The following ADAMTS6 variants were observed in gnomAD, a reference collection of about 807,000 sequenced individuals.
The protein encoded by ADAMTS6 is A disintegrin and metalloproteinase with thrombospondin motifs 6.
ADAMTS6 carries 23 observed loss-of-function variants against 144.3 expected under a neutral mutation model. That is an observed-to-expected ratio of 0.16 (90% confidence interval 0.11 to 0.23). ADAMTS6 has a LOEUF of 0.23. ADAMTS6 is among the 10% of genes least tolerant of loss of function. ADAMTS6 has a pLI of 1.00. For synonymous variants in ADAMTS6, 444 were observed against 457.5 expected (o/e 0.97, Z 0.38); for missense variants, 999 against 1,379.6 (o/e 0.72, Z 4.37).
intron 1 of ADAMTS6, 92 bp downstream of exon 1, chr5:65,481,251 A>G (rs1158166645): frequency 6.6e-6 from 1 of 151,230 alleles, no homozygotes; most frequent in Non-Finnish European, 1.5e-5. Context: ...ACAGAAAAAA[A>G]GTTTTCTAAG....
At chr5:65,197,917 T>G (rs1450702092) in intron 20 of ADAMTS6, among the ~76,000 whole-genome samples, 1 of 152,186 alleles carries the variant, frequency 6.6e-6, no homozygotes, top group East Asian at 1.9e-4. Context: ...ATATGTCAAT[T>G]ATTGGCAAAG....
chr5:65,402,738 T>C (rs1754039315), intron 7 of ADAMTS6, among the ~76,000 whole-genome samples: 2 of 152,068 alleles, frequency 1.3e-5, no homozygotes, highest in South Asian at 4.2e-4. Context: ...TAAGTCTTCT[T>C]AAGGACACTG....
At position 65,451,582 on chromosome 5, in the gene ADAMTS6, G is replaced by C; in HGVS notation, c.966C>G (p.Leu322=). ...ATTTCTGCCATTTACAGAAGCTATCGAGGGACTTGTCTGCATGGTGGTTTA... is the reference window on the plus strand; with the variant it reads ...ATTTCTGCCATTTACAGAAGCTATCCAGGGACTTGTCTGCATGGTGGTTTA... The part of the protein sequence containing the change: ...LEINHHADKS[L]DSFCKWQKSI... Residue 322 remains leucine, a synonymous_variant, in exon 7 of 25, where the codon CTC becomes CTG. Coordinates refer to ENST00000381055, the MANE Select transcript of ADAMTS6 (RefSeq NM_197941.4). The C allele has an allele frequency of 2.5e-6, 4 of 1,613,140 alleles. No individual in the cohort carries two copies. The highest frequency in any genetic ancestry group is 2.5e-6 in the Non-Finnish European group (3 of 1,179,576).
intron 14 of ADAMTS6, among the ~76,000 whole-genome samples, chr5:65,246,995 A>G (rs994031414): frequency 2.0e-5 from 3 of 152,150 alleles, no homozygotes; most frequent in South Asian, 2.1e-4. Flanking sequence ...TAAATTACTT[A>G]AGGATAATAA....
intron 11 of ADAMTS6, among the ~76,000 whole-genome samples, chr5:65,281,005 G>A (rs1298198447): frequency 6.6e-5 from 10 of 152,160 alleles, no homozygotes. Context: ...TAGGGATCAT[G>A]TAGGGATGTT....
intron 7 of ADAMTS6, among the ~76,000 whole-genome samples, chr5:65,404,222 T>C (rs1754212140): frequency 6.6e-6 from 1 of 152,144 alleles, no homozygotes; most frequent in African/African-American, 2.4e-5. Context: ...TGTATACAAA[T>C]GCCATGTTGG....
intron 4 of ADAMTS6, among the ~76,000 whole-genome samples, chr5:65,455,701 G>T (rs1452251616): frequency 6.6e-6 from 1 of 151,940 alleles, no homozygotes; most frequent in Non-Finnish European, 1.5e-5. Flanking sequence ...TACTAGGAAG[G>T]CTGAGGCAGG....
intron 13 of ADAMTS6, among the ~76,000 whole-genome samples, chr5:65,261,726 G>A (rs184536663): frequency 2.6e-5 from 4 of 152,174 alleles, no homozygotes; most frequent in Admixed American, 2.6e-4. Flanking sequence ...TAGCATGACT[G>A]GTTTATGAAT....
At chr5:65,277,828 C>A (rs1344506896) in intron 11 of ADAMTS6, among the ~76,000 whole-genome samples, 1 of 151,914 alleles carries the variant, frequency 6.6e-6, no homozygotes, top group Non-Finnish European at 1.5e-5. Context: ...CTGCCCAAGA[C>A]TTTTTTTTAA....
At chr5:65,434,356 C>T (rs1757222098) in intron 7 of ADAMTS6, among the ~76,000 whole-genome samples, 1 of 152,094 alleles carries the variant, frequency 6.6e-6, no homozygotes, top group South Asian at 2.1e-4. Context: ...AACTAAAAAA[C>T]CGTTGGATTA....
intron 12 of ADAMTS6, among the ~76,000 whole-genome samples, chr5:65,271,601 T>C (rs1306738340): frequency 6.6e-6 from 1 of 152,108 alleles, no homozygotes; most frequent in Non-Finnish European, 1.5e-5. Context: ...CAGTATTAAA[T>C]ACGTATTTAC....
At chr5:65,172,095 G>A (rs914237111) in intron 23 of ADAMTS6, among the ~76,000 whole-genome samples, 12 of 34,986 alleles carry the variant, frequency 3.4e-4, no homozygotes, top group African/African-American at 1.9e-3. Context: ...GGACTTGTAA[G>A]GATATTCATG....
chr5:65,364,651 C>A (rs1750135207), intron 7 of ADAMTS6, among the ~76,000 whole-genome samples: 1 of 149,522 alleles, frequency 6.7e-6, no homozygotes, highest in Admixed American at 6.7e-5. Context: ...ACTGTAAGCT[C>A]CGCCTCCTGG....
At chr5:65,253,193 ATT>A (rs1760334205) in intron 14 of ADAMTS6, among the ~76,000 whole-genome samples, 1 of 152,142 alleles carries the variant, frequency 6.6e-6, no homozygotes, top group African/African-American at 2.4e-5. Flanking sequence ...TACCCAGCCA[ATT>A]TTCTATTTTC....
intron 24 of ADAMTS6, among the ~76,000 whole-genome samples, chr5:65,163,522 C>A (rs536722957): frequency 3.3e-5 from 5 of 152,164 alleles, no homozygotes; most frequent in Non-Finnish European, 7.4e-5. Context: ...TCTTGTCATA[C>A]AAGATCACTT....
At chr5:65,258,515 T>C (rs769888331) in intron 14 of ADAMTS6, among the ~76,000 whole-genome samples, 1 of 152,174 alleles carries the variant, frequency 6.6e-6, no homozygotes, top group Non-Finnish European at 1.5e-5. Flanking sequence ...GAGTAAAAGA[T>C]AATCTGATTC....
At chr5:65,247,511 T>C (rs1580175892) in intron 14 of ADAMTS6, among the ~76,000 whole-genome samples, 4 of 152,260 alleles carry the variant, frequency 2.6e-5, no homozygotes, top group Admixed American at 2.6e-4. Flanking sequence ...TTTTGTGCCT[T>C]TTTTTCATTT....
intron 7 of ADAMTS6, among the ~76,000 whole-genome samples, chr5:65,410,691 T>A (rs1001432311): frequency 1.3e-5 from 2 of 152,136 alleles, no homozygotes; most frequent in African/African-American, 4.8e-5. Flanking sequence ...CCCCCACAAC[T>A]TCTGGCAACC....
Position 65,473,748 on chromosome 5 carries a change from A to C in ADAMTS6, c.-75T>G, listed in dbSNP as rs1434436281. The C allele has an allele frequency of 1.8e-6, 2 of 1,128,116 alleles. No homozygotes were observed. Among genetic ancestry groups the C allele is most frequent in the Non-Finnish European group, 2.6e-6 (2 of 758,338 alleles). 69.9% of individuals were successfully genotyped at this position (1,128,116 alleles called of 1,614,324 possible). ...GTCAATACCATACCAAAATCGAAGCATAACAATTTTATTTCTTTAAAACTT... is the reference window on the plus strand; with the variant it reads ...GTCAATACCATACCAAAATCGAAGCCTAACAATTTTATTTCTTTAAAACTT... On this transcript the variant is annotated 5_prime_UTR_variant, in exon 2 of 25. An upstream start codon of the reference 5' UTR is lost. Coordinates refer to ENST00000381055, the MANE Select transcript of ADAMTS6 (RefSeq NM_197941.4).
Sources: allele counts gnomAD v4.1 joint callset (sites outside exome capture counted in the v4.1 genomes callset), GRCh38; gene constraint gnomAD v4.1.1; transcripts MANE v1.5; gene names NCBI Gene and HGNC (gene_info 2026-07-23, HGNC 2026-07-21).